C8orf34: variants seen among roughly 807,000 people sequenced by gnomAD.
The protein encoded by C8orf34 is chromosome 8 open reading frame 34, also known as uncharacterized protein C8orf34.
In C8orf34, 65 loss-of-function variants were observed where a neutral mutation model predicts 68.3. That is an observed-to-expected ratio of 0.95 (90% CI 0.78 to 1.17). The LOEUF (loss-of-function observed/expected upper bound fraction) is 1.17, where lower values mean the gene tolerates loss of function less well. Among genes scored for constraint, C8orf34 ranks in the 50% most tolerant of loss-of-function variants. The pLI is 0.00. For synonymous variants in C8orf34, 244 were observed against 241.2 expected (o/e 1.01, Z -0.11); for missense variants, 664 against 655.4 (o/e 1.01, Z -0.14).
intron 10 of C8orf34, among the ~76,000 whole-genome samples, chr8:68,772,888 CTTCT>C (rs1252443465): frequency 5.0e-5 from 7 of 139,960 alleles, no homozygotes; most frequent in East Asian, 4.1e-4. Flanking sequence ...TCCTTCCTTC[CTTCT>C]TTCTTTTTTT....
At chr8:68,441,452 T>A (rs1184113442) in intron 2 of C8orf34, among the ~76,000 whole-genome samples, 2 of 152,132 alleles carry the variant, frequency 1.3e-5, no homozygotes, top group African/African-American at 2.4e-5. Context: ...TTCCTCTTCT[T>A]ATTCTCCTCC....
intron 8 of C8orf34, among the ~76,000 whole-genome samples, chr8:68,645,834 G>A (rs1255653557): frequency 1.3e-5 from 2 of 152,042 alleles, no homozygotes; most frequent in African/African-American, 4.8e-5. Flanking sequence ...ATACTCCACT[G>A]GTTGTAAACT....
chr8:68,774,354 A>ATATATATAT (rs1344573894), intron 10 of C8orf34, among the ~76,000 whole-genome samples: 12 of 111,270 alleles, frequency 1.1e-4, no homozygotes, highest in African/African-American at 6.7e-4. Flanking sequence ...TATATAAAAT[A>ATATATATAT]AACAAAAAAA....
chr8:68,533,176 A>C (rs1178739258), intron 7 of C8orf34, 27 bp downstream of exon 7: 1 of 1,548,728 alleles, frequency 6.5e-7, no homozygotes, highest in East Asian at 2.3e-5. Flanking sequence ...ATAATTTCTC[A>C]TTTTCTTCTT....
intron 10 of C8orf34, among the ~76,000 whole-genome samples, chr8:68,727,676 G>A (rs1332292776): frequency 6.6e-6 from 1 of 152,218 alleles, no homozygotes. Flanking sequence ...CTCAATTCTT[G>A]ACTTCTGTGC....
chr8:68,400,952 G>C (rs1386765909), intron 1 of C8orf34, among the ~76,000 whole-genome samples: 1 of 152,134 alleles, frequency 6.6e-6, no homozygotes, highest in East Asian at 1.9e-4. Context: ...CATTGACTCT[G>C]TAGATTGCTT....
intron 11 of C8orf34, among the ~76,000 whole-genome samples, chr8:68,785,931 G>A (rs1362640790): frequency 6.6e-6 from 1 of 152,152 alleles, no homozygotes; most frequent in East Asian, 1.9e-4. Flanking sequence ...AATGAAAGCC[G>A]TGGCAGATAG....
At chr8:68,597,731 A>T (rs1340285905) in intron 7 of C8orf34, among the ~76,000 whole-genome samples, 2 of 152,248 alleles carry the variant, frequency 1.3e-5, no homozygotes, top group East Asian at 3.9e-4. Flanking sequence ...TTCAGATAAT[A>T]CTTTTAAACC....
At position 68,767,365 on chromosome 8, in the gene C8orf34, C is replaced by T. The variant is rs563361364; in HGVS notation, c.1405-9034C>T. ...ACCTAAATATGCATTCATTGTCCCCCAAAGTTAACCTTGCCAACTTTAAAA... is the reference window on the plus strand; with the variant it reads ...ACCTAAATATGCATTCATTGTCCCCTAAAGTTAACCTTGCCAACTTTAAAA... On this transcript the variant is annotated intron_variant, in intron 10 of 13. Transcript: ENST00000518698. Among the ~76,000 whole-genome samples the T allele has an allele frequency of 2.0e-5, 3 of 152,272 alleles. No homozygotes were observed. In the South Asian group the frequency reaches 6.2e-4, roughly 32 times the overall value.
chr8:68,506,115 T>TACAC (rs34384025), intron 5 of C8orf34, among the ~76,000 whole-genome samples: 2 of 150,726 alleles, frequency 1.3e-5, no homozygotes, highest in East Asian at 1.9e-4. Flanking sequence ...TACACACACA[T>TACAC]ACACACACAC....
At chr8:68,619,502 C>T (rs994108867) in intron 7 of C8orf34, among the ~76,000 whole-genome samples, 2 of 151,990 alleles carry the variant, frequency 1.3e-5, no homozygotes, top group African/African-American at 4.8e-5. Flanking sequence ...TGCCCTTGAA[C>T]CAATGTATTT....
At chr8:68,446,191 C>A in intron 2 of C8orf34, 138 bp from the exon 3 acceptor site, 3 of 655,330 alleles carry the variant, frequency 4.6e-6, no homozygotes, top group African/African-American at 1.8e-5. Flanking sequence ...ACAAGTAATA[C>A]CTTTGCGTGG....
chr8:68,497,082 A>C (rs1813556049), intron 5 of C8orf34, among the ~76,000 whole-genome samples: 1 of 152,220 alleles, frequency 6.6e-6, no homozygotes. Context: ...CTCAAAAATA[A>C]AACTTGGAAA....
At chr8:68,797,697 G>T (rs1824218352) in intron 12 of C8orf34, among the ~76,000 whole-genome samples, 2 of 152,294 alleles carry the variant, frequency 1.3e-5, no homozygotes, top group East Asian at 3.9e-4. Context: ...CTAACAGATT[G>T]ATCTAGCTAA....
intron 8 of C8orf34, among the ~76,000 whole-genome samples, chr8:68,650,435 C>T (rs907419933): frequency 6.7e-6 from 1 of 150,130 alleles, no homozygotes; most frequent in Non-Finnish European, 1.5e-5. Flanking sequence ...CCAGGTGTGT[C>T]ATTTGCATCG....
At chr8:68,747,186 A>G (rs1044620882) in intron 10 of C8orf34, among the ~76,000 whole-genome samples, 4 of 151,818 alleles carry the variant, frequency 2.6e-5, no homozygotes, top group African/African-American at 4.8e-5. Context: ...ATTCAACAAC[A>G]CTTCATGCTA....
intron 5 of C8orf34, among the ~76,000 whole-genome samples, chr8:68,500,990 A>G (rs1003309637): frequency 6.6e-6 from 1 of 152,136 alleles, no homozygotes; most frequent in African/African-American, 2.4e-5. Context: ...CATCTGTCCA[A>G]ATGATCTTGA....
intron 1 of C8orf34, among the ~76,000 whole-genome samples, chr8:68,359,428 C>T (rs1358578561): frequency 2.6e-5 from 4 of 152,150 alleles, no homozygotes; most frequent in African/African-American, 9.7e-5. Context: ...CATACTAATA[C>T]TGAATCTCTT....
chr8:68,373,215 G>A (rs896225668), intron 1 of C8orf34, among the ~76,000 whole-genome samples: 7 of 151,710 alleles, frequency 4.6e-5, no homozygotes, highest in African/African-American at 1.7e-4. Flanking sequence ...GGCTGGTCTC[G>A]GACTCCTGAC....
Sources: gnomAD v4.1 joint callset for allele counts (sites outside exome capture counted in the v4.1 genomes callset) on GRCh38, gnomAD v4.1.1 for gene constraint, MANE v1.5 for transcripts, NCBI Gene and HGNC (gene_info 2026-07-23, HGNC 2026-07-21) for gene names.